Variants in AFF3 observed in about 807,000 individuals in gnomAD.
AFF3 encodes ALF transcription elongation factor 3, also known as AF4/FMR2 family member 3.
In AFF3, 32 loss-of-function variants were observed where a neutral mutation model predicts 129.7. That is an observed-to-expected ratio of 0.25 (90% confidence interval 0.19 to 0.33). AFF3 has a LOEUF of 0.33. Ranked by LOEUF, AFF3 falls within the 10% of genes least tolerant of loss-of-function variation. AFF3 has a pLI of 1.00. For missense variants in AFF3, 1,373 were observed against 1,592.0 expected, an observed-to-expected ratio of 0.86 and a Z score of 2.34; for synonymous variants, 644 against 635.4, an observed-to-expected ratio of 1.01 and a Z score of -0.20.
chr2:99,793,397 C>A (rs1256567952), intron 8 of AFF3, among the ~76,000 whole-genome samples: 1 of 152,178 alleles, frequency 6.6e-6, no homozygotes, highest in Non-Finnish European at 1.5e-5. Flanking sequence ...CATTCCTTTA[C>A]AGCAACACAA....
At chr2:99,621,500 G>T (rs1682009456) in intron 13 of AFF3, among the ~76,000 whole-genome samples, 1 of 152,176 alleles carries the variant, frequency 6.6e-6, no homozygotes, top group Non-Finnish European at 1.5e-5. Context: ...GGTGGGTGAG[G>T]ATTTTTCTGC....
rs146959626 is a variant in AFF3 at position 99,842,691 on chromosome 2, C to T, written c.874-5167G>A. ...AATCCTACCATTTAAATGTACATGC[C>T]GCACACTGCCAAGAAATGTACAGAA... is the stretch of plus-strand genomic sequence containing the variant. On this transcript the variant is annotated intron_variant, in intron 7 of 24. Coordinates refer to ENST00000672756, the MANE Select transcript of AFF3 (RefSeq NM_001386135.1). 2.7e-3 allele frequency among the ~76,000 whole-genome samples: 406 copies of T among 152,234 alleles called. 3 individuals are homozygous for T. Among genetic ancestry groups the T allele is most frequent in the African/African-American group, 9.2e-3 (381 of 41,528 alleles).
intron 8 of AFF3, among the ~76,000 whole-genome samples, chr2:99,790,015 A>G (rs986091120): frequency 6.6e-6 from 1 of 152,244 alleles, no homozygotes; most frequent in African/African-American, 2.4e-5. Context: ...GCAAAAATAA[A>G]TGCAAAGTGA....
rs1405318964 is a variant in AFF3 at position 99,547,284 on chromosome 2, G to A, written c.*4190C>T. On this transcript the variant is annotated 3_prime_UTR_variant, in exon 25 of 25. Transcript: ENST00000672756. Reference sequence around the variant, plus strand: ...ACATAAATCATTTAATGTAACATTTGCAACCTTAGAAAGGCAGACATGTTT... The same window carrying A: ...ACATAAATCATTTAATGTAACATTTACAACCTTAGAAAGGCAGACATGTTT... The A allele has an allele frequency of 1.9e-5, 4 of 215,706 alleles. No homozygotes were observed. In the East Asian group the frequency reaches 2.7e-4, roughly 15 times the overall value. The allele number at this position is 215,706 out of a possible 1,614,324, so 13.4% of individuals were successfully genotyped here. A position where few individuals can be genotyped will look rare whatever the true frequency, so the allele number is the denominator to read the frequency against.
At chr2:99,634,496 T>A (rs981037390) in intron 13 of AFF3, among the ~76,000 whole-genome samples, 1 of 152,190 alleles carries the variant, frequency 6.6e-6, no homozygotes. Flanking sequence ...TGAAGGCCGG[T>A]GCCCAGAGAA....
chr2:99,791,748 G>A (rs953499406), intron 8 of AFF3, among the ~76,000 whole-genome samples: 4 of 152,002 alleles, frequency 2.6e-5, no homozygotes, highest in African/African-American at 7.2e-5. Flanking sequence ...AAGGTGACAC[G>A]CTGTCTTCTT....
Position 99,858,553 on chromosome 2 carries a change from G to GA in AFF3, c.874-21030dup, listed in dbSNP as rs1208107236. Among the ~76,000 whole-genome samples, 5 of 151,722 alleles carry GA rather than the reference G, an allele frequency of 3.3e-5. No homozygotes were observed. The South Asian group carries it at 8.3e-4, about 25-fold the overall frequency. ...GCAACAGAGTGAGACCTTGTCTTAA[G>GA]AAAAAAAATGCAGCCACAAAAAAGA... On this transcript the variant is annotated intron_variant, in intron 7 of 24. Transcript: ENST00000672756.
At chr2:99,801,138 G>A (rs765016392) in intron 8 of AFF3, among the ~76,000 whole-genome samples, 7 of 152,174 alleles carry the variant, frequency 4.6e-5, no homozygotes, top group Non-Finnish European at 8.8e-5. Flanking sequence ...TTTACATGTC[G>A]ATTATATCTC....
intron 4 of AFF3, among the ~76,000 whole-genome samples, chr2:100,029,016 A>T (rs1319925442): frequency 1.3e-5 from 2 of 152,228 alleles, no homozygotes; most frequent in Non-Finnish European, 2.9e-5. Flanking sequence ...GAAACAACTC[A>T]AGCGTTTATC....
At chr2:99,781,320 G>A (rs1684388526) in intron 8 of AFF3, among the ~76,000 whole-genome samples, 1 of 151,978 alleles carries the variant, frequency 6.6e-6, no homozygotes, top group Non-Finnish European at 1.5e-5. Flanking sequence ...CCCTCACCTT[G>A]CCTTATTTTT....
At chr2:99,732,428 T>C (rs1168270583) in intron 10 of AFF3, among the ~76,000 whole-genome samples, 2 of 151,800 alleles carry the variant, frequency 1.3e-5, no homozygotes, top group African/African-American at 4.8e-5. Context: ...TAACCGCCTA[T>C]GTATGTATTA....
chr2:99,646,131 A>G lies in AFF3; in HGVS notation c.1184+3495T>C, dbSNP rs560562014. 5.9e-5 allele frequency among the ~76,000 whole-genome samples: 9 copies of G among 152,350 alleles called. No homozygotes were observed. The South Asian group carries it at 1.7e-3, about 28-fold the overall frequency. On this transcript the variant is annotated intron_variant, in intron 13 of 24. Coordinates refer to ENST00000672756, the MANE Select transcript of AFF3 (RefSeq NM_001386135.1). Reference sequence around the variant, plus strand: ...ATGTCCTTCCACCAACCCCAAGTCAATGAAATCCTGTTTCATCATCGATTT... The same window carrying G: ...ATGTCCTTCCACCAACCCCAAGTCAGTGAAATCCTGTTTCATCATCGATTT...
In AFF3 at chr2:99,711,078, C is replaced by A. The variant is rs1482755618; in HGVS notation, c.1091+15999G>T. 2.0e-5 allele frequency among the ~76,000 whole-genome samples: 3 copies of A among 152,146 alleles called. No homozygotes were observed. The East Asian group carries it at 5.8e-4, about 29-fold the overall frequency. On this transcript the variant is annotated intron_variant, in intron 11 of 24. Coordinates refer to ENST00000672756, the MANE Select transcript of AFF3 (RefSeq NM_001386135.1). The stretch of plus-strand genomic sequence containing the variant: ...TCGCTCCTCCCCAGCCTCCTCACAG[C>A]CTCAAGATGCAATTCTCTTGACAGT...
At chr2:100,112,147 G>T (rs531246571) in intron 2 of AFF3, among the ~76,000 whole-genome samples, 29 of 152,162 alleles carry the variant, frequency 1.9e-4, no homozygotes, top group Admixed American at 3.3e-4. Context: ...CAGCACTTTG[G>T]TAAGTGAAAG....
intron 5 of AFF3, among the ~76,000 whole-genome samples, chr2:100,008,289 C>T (rs1186470953): frequency 6.6e-6 from 1 of 152,082 alleles, no homozygotes; most frequent in African/African-American, 2.4e-5. Context: ...AGCTCCATGC[C>T]GCCTAAGGTA....
intron 4 of AFF3, among the ~76,000 whole-genome samples, chr2:100,078,944 C>CTTTTTT (rs35031023): frequency 7.6e-6 from 1 of 131,210 alleles, no homozygotes; most frequent in Admixed American, 7.7e-5. Context: ...TGAATATTTT[C>CTTTTTT]TTTTTTTTTT....
At chr2:99,834,053 T>G (rs1470160633) in intron 8 of AFF3, among the ~76,000 whole-genome samples, 2 of 152,220 alleles carry the variant, frequency 1.3e-5, no homozygotes, top group East Asian at 3.8e-4. Context: ...TTGATAACAC[T>G]GGCTATAAAA....
chr2:99,614,801 A>G (rs1426853789), intron 13 of AFF3, among the ~76,000 whole-genome samples: 1 of 152,192 alleles, frequency 6.6e-6, no homozygotes, highest in Admixed American at 6.5e-5. Flanking sequence ...TGGGTGAAGA[A>G]CCTTCTCTTG....
chr2:99,778,796 T>C lies in AFF3; in HGVS notation c.922-26495A>G, dbSNP rs1311908068. Among the ~76,000 whole-genome samples, 3 of 152,142 alleles carry C rather than the reference T, an allele frequency of 2.0e-5. No homozygotes were observed. In the South Asian group the frequency reaches 6.2e-4, roughly 32 times the overall value. On this transcript the variant is annotated intron_variant, in intron 8 of 24. Coordinates refer to ENST00000672756, the MANE Select transcript of AFF3 (RefSeq NM_001386135.1). ...TTTTTGATTGCTCATTGCTAGTGTA[T>C]AGACACAAAACTGATTTTTGTATAT...
Sources: gnomAD v4.1 joint callset for allele counts (sites outside exome capture counted in the v4.1 genomes callset) on GRCh38, gnomAD v4.1.1 for gene constraint, MANE v1.5 for transcripts, NCBI Gene and HGNC (gene_info 2026-07-23, HGNC 2026-07-21) for gene names.